Variants in TMEM245 observed in about 807,000 individuals in gnomAD.
The protein encoded by TMEM245 is transmembrane protein 245.
In TMEM245, 69 loss-of-function variants were observed where a neutral mutation model predicts 101.2. The ratio of observed to expected loss-of-function variants is 0.68; its 90% CI spans 0.56 to 0.83. The LOEUF is 0.83. Ranked by LOEUF, TMEM245 falls within the 40% of genes least tolerant of loss-of-function variation. The pLI, the probability that TMEM245 is intolerant of heterozygous loss-of-function variation, is 0.00. For missense variants in TMEM245, 1,075 were observed against 1,092.8 expected (o/e 0.98, Z 0.23); for synonymous variants, 537 against 449.8 (o/e 1.19, Z -2.45).
At chr9:109,058,018 T>TG (rs1588040558) in intron 11 of TMEM245, among the ~76,000 whole-genome samples, 1 of 150,436 alleles carries the variant, frequency 6.6e-6, no homozygotes, top group African/African-American at 2.4e-5. Context: ...TTTTTTTTTT[T>TG]GGGACGGGGT....
chr9:109,119,427 A>T lies in TMEM245; in HGVS notation c.487T>A (p.Tyr163Asn). The T allele has an allele frequency of 6.6e-7, 1 of 1,524,008 alleles. No individual in the cohort carries two copies. The highest frequency in any genetic ancestry group is 8.8e-7 in the Non-Finnish European group (1 of 1,140,596). The allele number at this position is 1,524,008 out of a possible 1,614,324, so 94.4% of individuals were successfully genotyped here. The change falls in exon 1 of 18, where the codon TAC becomes AAC. Residue 163 changes from tyrosine to asparagine, a missense_variant. This residue lies in a region of TMEM245 where 808 missense variants were observed against 741.5 expected (regional missense o/e 1.09). Coordinates refer to ENST00000374586, the MANE Select transcript of TMEM245 (RefSeq NM_032012.4). ...ACGCCCAAGTAGCTGCCGAGGCAGT[A>T]GAGGCCGTACAGGAGCGGGCCGCCG... ...GAGGPLLYGL[Y>N]CLGSYLGVQV...
chr9:109,109,462 A>T (rs944330083), intron 1 of TMEM245, among the ~76,000 whole-genome samples: 1 of 152,036 alleles, frequency 6.6e-6, no homozygotes, highest in Non-Finnish European at 1.5e-5. Flanking sequence ...TTAAGACAAA[A>T]AGAAACTTCG....
chr9:109,042,554 G>C (rs1828343168), intron 14 of TMEM245: 1 of 152,084 alleles, frequency 6.6e-6, no homozygotes, highest in Non-Finnish European at 1.5e-5. Context: ...TTTCAGACTA[G>C]TAGTGTGGCA....
At chr9:109,090,772 AT>A (rs1829977890) in intron 5 of TMEM245, 149 bp downstream of exon 5, 1 of 692,790 alleles carries the variant, frequency 1.4e-6, no homozygotes, top group African/African-American at 1.8e-5. Flanking sequence ...AATTAACCAA[AT>A]GGTGTTTGTT....
intron 14 of TMEM245, chr9:109,046,327 G>C (rs1471341799): frequency 1.9e-6 from 1 of 533,788 alleles, no homozygotes; most frequent in Admixed American, 1.9e-5. Context: ...GGAGCATCAG[G>C]GAAGAAGGGT....
chr9:109,098,756 T>C (rs1830207123), intron 3 of TMEM245, among the ~76,000 whole-genome samples: 1 of 151,820 alleles, frequency 6.6e-6, no homozygotes, highest in South Asian at 2.1e-4. Context: ...ACATCCAAGG[T>C]TTCAGGTATC....
chr9:109,075,015 A>C (rs372770953), intron 8 of TMEM245, among the ~76,000 whole-genome samples: 1 of 152,322 alleles, frequency 6.6e-6, no homozygotes. Flanking sequence ...CTGTAAGCTA[A>C]GGGACATAAT....
intron 1 of TMEM245, among the ~76,000 whole-genome samples, chr9:109,112,097 G>C (rs1463317011): frequency 2.6e-5 from 4 of 152,074 alleles, no homozygotes; most frequent in Non-Finnish European, 5.9e-5. Context: ...TTTATATTAA[G>C]CCCATTATGA....
rs2132451271 is a variant in TMEM245 at position 109,064,473 on chromosome 9, T to C, written c.1623+4A>G. The C allele has an allele frequency of 3.7e-6, 6 of 1,610,360 alleles. No homozygotes were observed. The highest frequency in any genetic ancestry group is 4.2e-6 in the Non-Finnish European group (5 of 1,178,306). ...AAAGCCACAAAGAAAGTTTCTTCCC[T>C]TACCTTGTGAGTTATCCATTCTCGT... On this transcript the variant is annotated splice_donor_region_variant and intron_variant, in intron 10 of 17. Coordinates refer to ENST00000374586, the MANE Select transcript of TMEM245 (RefSeq NM_032012.4).
chr9:109,070,297 C>G (rs990167982), intron 9 of TMEM245, among the ~76,000 whole-genome samples: 1 of 152,194 alleles, frequency 6.6e-6, no homozygotes, highest in African/African-American at 2.4e-5. Context: ...CCTCTACTTA[C>G]AACAGTCACC....
At chr9:109,061,987 C>T (rs956762024) in intron 10 of TMEM245, among the ~76,000 whole-genome samples, 3 of 152,108 alleles carry the variant, frequency 2.0e-5, no homozygotes, top group Non-Finnish European at 2.9e-5. Context: ...AAATGTACTG[C>T]AACCAAATAA....
chr9:109,108,142 T>A (rs1830475189), intron 2 of TMEM245, among the ~76,000 whole-genome samples: 1 of 152,160 alleles, frequency 6.6e-6, no homozygotes, highest in Non-Finnish European at 1.5e-5. Context: ...CCTCTTATCG[T>A]TGACTGCTTA....
chr9:109,035,156 CAAAAAAAAAAAAA>C (rs778574292), intron 16 of TMEM245, among the ~76,000 whole-genome samples: 1 of 51,322 alleles, frequency 1.9e-5, no homozygotes, highest in Non-Finnish European at 3.8e-5. Flanking sequence ...GACTCTGTCT[CAAAAAAAAAAAAA>C]AAAAAAAAAA....
intron 14 of TMEM245, chr9:109,038,716 AT>A (rs756393613): frequency 2.0e-5 from 3 of 152,266 alleles, no homozygotes; most frequent in Non-Finnish European, 4.4e-5. Context: ...GGGAAAAAAA[AT>A]ATTCCTAACT....
intron 16 of TMEM245, among the ~76,000 whole-genome samples, chr9:109,035,118 C>A (rs1828079604): frequency 7.5e-6 from 1 of 134,160 alleles, no homozygotes; most frequent in Non-Finnish European, 1.5e-5. Flanking sequence ...GATTGCACCA[C>A]TGCACTCCAG....
At chr9:109,041,928 C>A (rs1460344172) in intron 14 of TMEM245, among the ~76,000 whole-genome samples, 1 of 152,004 alleles carries the variant, frequency 6.6e-6, no homozygotes, top group Non-Finnish European at 1.5e-5. Flanking sequence ...CCCAGGAGTT[C>A]AAGACCAACC....
chr9:109,031,731 C>T (rs570114484), intron 17 of TMEM245, among the ~76,000 whole-genome samples: 1 of 152,280 alleles, frequency 6.6e-6, no homozygotes, highest in East Asian at 1.9e-4. Flanking sequence ...TTTAGAGGTA[C>T]ATTTGGCTAT....
chr9:109,119,441 A>G lies in TMEM245; in HGVS notation c.473T>C (p.Leu158Pro). The G allele has an allele frequency of 6.6e-7, 1 of 1,509,304 alleles. No individual in the cohort carries two copies. Among genetic ancestry groups the G allele is most frequent in the Non-Finnish European group, 8.8e-7 (1 of 1,135,812 alleles). The allele number at this position is 1,509,304 out of a possible 1,614,324, so 93.5% of individuals were successfully genotyped here. Reference protein sequence around the residue: ...LLLLLGAGGPLLYGLYCLGSY... With the variant: ...LLLLLGAGGPPLYGLYCLGSY... The stretch of plus-strand genomic sequence containing the variant: ...GCCGAGGCAGTAGAGGCCGTACAGG[A>G]GCGGGCCGCCGGCGCCGAGCAGCAG... Residue 158 changes from leucine (L) to proline (P), a missense_variant, in exon 1 of 18, where the codon CTC becomes CCC. Around this residue, in one of 2 missense-constraint regions of TMEM245, gnomAD observed 808 missense variants for 741.5 expected, o/e 1.09. Transcript: ENST00000374586.
At chr9:109,108,804 A>T (rs942747479) in intron 1 of TMEM245, among the ~76,000 whole-genome samples, 3 of 152,176 alleles carry the variant, frequency 2.0e-5, no homozygotes, top group African/African-American at 7.2e-5. Flanking sequence ...TGTTTAACAA[A>T]AGATACATAG....
Sources: gnomAD v4.1 joint callset for allele counts (sites outside exome capture counted in the v4.1 genomes callset) on GRCh38, gnomAD v4.1.1 for gene constraint, gnomAD v4.1.1 regional missense constraint, MANE v1.5 for transcripts, NCBI Gene and HGNC (gene_info 2026-07-23, HGNC 2026-07-21) for gene names.